SIMC1: variants seen among roughly 807,000 people sequenced by gnomAD.
The protein encoded by SIMC1 is SUMO interacting motifs containing 1, also known as SUMO-interacting motif-containing protein 1.
In SIMC1, 55 loss-of-function variants were observed where a neutral mutation model predicts 82.3. The observed-to-expected ratio is 0.67, with a 90% CI of 0.54 to 0.84. The LOEUF (loss-of-function observed/expected upper bound fraction) is 0.84. Among genes scored for constraint, SIMC1 ranks in the 40% least tolerant of loss-of-function variants. The probability of loss-of-function intolerance (pLI) is 0.00; values close to 1 mark genes in which losing one functional copy is unlikely to be tolerated. For missense variants in SIMC1, 915 were observed against 1,107.2 expected, an observed-to-expected ratio of 0.83 and a Z score of 2.46; for synonymous variants, 353 against 426.3, an observed-to-expected ratio of 0.83 and a Z score of 2.12.
intron 1 of SIMC1, among the ~76,000 whole-genome samples, chr5:176,248,271 CT>C (rs1561669366): frequency 6.6e-6 from 1 of 152,080 alleles, no homozygotes; most frequent in Non-Finnish European, 1.5e-5. Flanking sequence ...TTTGTGTCCT[CT>C]TTTATTTCGT....
intron 7 of SIMC1, among the ~76,000 whole-genome samples, chr5:176,331,187 A>G (rs10077288): frequency 0.013 from 1,912 of 151,930 alleles, 38 homozygotes; most frequent in African/African-American, 0.043. Flanking sequence ...TGGCTAACAC[A>G]GTGAAACCCC....
At chr5:176,344,150 T>C (rs1337468302) in intron 9 of SIMC1, among the ~76,000 whole-genome samples, 1 of 152,062 alleles carries the variant, frequency 6.6e-6, no homozygotes, top group East Asian at 1.9e-4. Context: ...TAATATACTT[T>C]TTAGGTAGTT....
chr5:176,288,427 A>T (rs879890182), intron 1 of SIMC1, among the ~76,000 whole-genome samples: 1 of 101,524 alleles, frequency 9.8e-6, no homozygotes, highest in African/African-American at 3.2e-5. Flanking sequence ...ATGAATGAAT[A>T]AATAAATAAA....
At position 176,295,121 on chromosome 5, in the gene SIMC1, A is replaced by G. The variant is rs761802142; in HGVS notation, c.1523A>G (p.Gln508Arg). The change falls in exon 3 of 10, where the codon CAG becomes CGG. Residue 508 changes from glutamine to arginine, a missense_variant. Gln to Arg is a conservative substitution (Grantham distance 43). Around this residue, in one of 2 missense-constraint regions of SIMC1, gnomAD observed 902 missense variants for 1,040.3 expected, o/e 0.87. Transcript: ENST00000429602. ...GAGAATTTTCCTCTGGGGACTGTGC[A>G]GTTTTTGATGGACTTTGTGTCACCC... is the stretch of plus-strand genomic sequence containing the variant. Reference protein sequence around the residue: ...IEENFPLGTVQFLMDFVSPQH... With the variant: ...IEENFPLGTVRFLMDFVSPQH... 1.2e-5 allele frequency: 20 copies of G among 1,613,586 alleles called. No individual in the cohort carries two copies. The highest frequency in any genetic ancestry group is 1.7e-5 in the Admixed American group (1 of 59,990).
rs565625117 is a variant in SIMC1, at chr5:176,252,279, C to T, written c.129+13642C>T. ...AGGCGGGGGCTGACCCCCTCACCTC[C>T]GTCCCGGACGTGGTGGCTGCCGGGC... On this transcript the variant is annotated intron_variant, in intron 1 of 9. Transcript: ENST00000429602. 2.3e-3 allele frequency among the ~76,000 whole-genome samples: 351 copies of T among 151,962 alleles called. 4 individuals carry two copies. The highest frequency in any genetic ancestry group is 8.1e-3 in the African/African-American group (335 of 41,422).
At chr5:176,258,695 T>C (rs2113139980) in intron 1 of SIMC1, among the ~76,000 whole-genome samples, 1 of 148,998 alleles carries the variant, frequency 6.7e-6, no homozygotes, top group Non-Finnish European at 1.5e-5. Flanking sequence ...TCACTACAGC[T>C]GTATGGAGCT....
intron 1 of SIMC1, among the ~76,000 whole-genome samples, chr5:176,262,696 T>C (rs963620285): frequency 5.3e-5 from 8 of 152,100 alleles, no homozygotes; most frequent in African/African-American, 1.9e-4. Flanking sequence ...TCCTAGCTAC[T>C]TGGGAGGCTG....
chr5:176,293,836 GTAA>G (rs752567645), intron 2 of SIMC1, among the ~76,000 whole-genome samples: 115 of 151,708 alleles, frequency 7.6e-4, no homozygotes, highest in Non-Finnish European at 1.4e-3. Context: ...AATTATAAAA[GTAA>G]TAAGTGTGTT....
At chr5:176,297,681 A>G (rs1312346626) in intron 4 of SIMC1, among the ~76,000 whole-genome samples, 1 of 152,194 alleles carries the variant, frequency 6.6e-6, no homozygotes, top group Non-Finnish European at 1.5e-5. Context: ...ATTGGCTAAA[A>G]CAAATTACTT....
intron 1 of SIMC1, among the ~76,000 whole-genome samples, chr5:176,272,172 CAAAAAAA>C (rs1162307977): frequency 5.0e-5 from 1 of 19,970 alleles, no homozygotes; most frequent in African/African-American, 1.4e-4. Context: ...CCCATCTCTA[CAAAAAAA>C]AAAAAAAAAA....
intron 1 of SIMC1, among the ~76,000 whole-genome samples, chr5:176,253,112 A>G (rs952481158): frequency 6.6e-6 from 1 of 152,210 alleles, no homozygotes; most frequent in Non-Finnish European, 1.5e-5. Flanking sequence ...TCGGCTCGGC[A>G]TCAGAGGGAG....
At chr5:176,267,914 G>A (rs1762266275) in intron 1 of SIMC1, among the ~76,000 whole-genome samples, 1 of 148,958 alleles carries the variant, frequency 6.7e-6, no homozygotes, top group Non-Finnish European at 1.5e-5. Context: ...GCACCATCAC[G>A]CCAGCCAGAT....
intron 1 of SIMC1, among the ~76,000 whole-genome samples, chr5:176,245,235 A>G (rs559685619): frequency 2.0e-5 from 3 of 152,330 alleles, no homozygotes; most frequent in Non-Finnish European, 2.9e-5. Flanking sequence ...TGTCCTTATG[A>G]GAAGAACATG....
intron 1 of SIMC1, among the ~76,000 whole-genome samples, chr5:176,247,195 C>T (rs1761480326): frequency 6.6e-6 from 1 of 152,156 alleles, no homozygotes; most frequent in Admixed American, 6.5e-5. Context: ...CTGTCTTCCA[C>T]AATGGTTGAA....
intron 4 of SIMC1, among the ~76,000 whole-genome samples, chr5:176,300,452 G>A (rs1254502160): frequency 6.6e-6 from 1 of 151,314 alleles, no homozygotes; most frequent in Non-Finnish European, 1.5e-5. Context: ...TCAAGTAGCT[G>A]GGAAAACAAG....
intron 4 of SIMC1, among the ~76,000 whole-genome samples, chr5:176,305,791 T>G (rs1407706127): frequency 0.018 from 890 of 50,148 alleles, 123 homozygotes; most frequent in Non-Finnish European, 0.029. Context: ...AGCCGCCCCG[T>G]CCGGGAGGGA....
intron 1 of SIMC1, among the ~76,000 whole-genome samples, chr5:176,285,247 T>C (rs1376278735): frequency 6.6e-6 from 1 of 152,164 alleles, no homozygotes; most frequent in African/African-American, 2.4e-5. Context: ...AATAAAATAC[T>C]GGCAAACCGA....
At chr5:176,300,510 G>A (rs1406629299) in intron 4 of SIMC1, among the ~76,000 whole-genome samples, 2 of 150,198 alleles carry the variant, frequency 1.3e-5, no homozygotes, top group African/African-American at 4.9e-5. Flanking sequence ...TTGTCGAGGT[G>A]GGAATCTAGC....
intron 4 of SIMC1, among the ~76,000 whole-genome samples, chr5:176,302,953 A>G (rs1463996597): frequency 6.6e-6 from 1 of 152,212 alleles, no homozygotes; most frequent in Admixed American, 6.5e-5. Context: ...AAGACTTAAT[A>G]TGGTTAAGAT....
Sources: allele counts gnomAD v4.1 joint callset (sites outside exome capture counted in the v4.1 genomes callset), GRCh38; gene constraint gnomAD v4.1.1; regional missense constraint gnomAD v4.1.1; transcripts MANE v1.5; gene names NCBI Gene and HGNC (gene_info 2026-07-23, HGNC 2026-07-21).